The following KLHL5 variants were observed in gnomAD, a reference collection of about 807,000 sequenced individuals.
The protein encoded by KLHL5 is kelch-like protein 5.
A neutral mutation model predicts 77.7 loss-of-function variants in KLHL5; 48 were observed. The ratio of observed to expected loss-of-function variants is 0.62; its 90% CI spans 0.49 to 0.79. The LOEUF (loss-of-function observed/expected upper bound fraction) is 0.79, where lower values mean the gene tolerates loss of function less well. Among genes scored for constraint, KLHL5 ranks in the 30% least tolerant of loss-of-function variants. KLHL5 has a pLI of 0.00. For missense variants in KLHL5, 723 were observed against 859.7 expected, an observed-to-expected ratio of 0.84 and a Z score of 1.99; for synonymous variants, 260 against 297.0, an observed-to-expected ratio of 0.88 and a Z score of 1.28.
intron 5 of KLHL5, among the ~76,000 whole-genome samples, chr4:39,090,032 TG>T (rs1262385804): frequency 6.6e-6 from 1 of 152,222 alleles, no homozygotes. Context: ...CAAAAGTGAA[TG>T]GCAAGATTGC....
At chr4:39,077,457 G>A (rs577912520) in intron 2 of KLHL5, among the ~76,000 whole-genome samples, 5 of 150,500 alleles carry the variant, frequency 3.3e-5, no homozygotes, top group South Asian at 2.1e-4. Context: ...GCAAGACTCC[G>A]TCTCAAAAAA....
At position 39,081,061 on chromosome 4, in the gene KLHL5, C is replaced by G. The variant is rs759852090; in HGVS notation, c.567-42C>G. 5.1e-6 allele frequency: 8 copies of G among 1,567,742 alleles called. No individual in the cohort carries two copies. The African/African-American group carries it at 1.1e-4, about 21-fold the overall frequency. Reference sequence around the variant, plus strand: ...CAGCATTTATTAATGAACATCAACTCGAATGTGGTCATTGATTTTTTTTTT... The same window carrying G: ...CAGCATTTATTAATGAACATCAACTGGAATGTGGTCATTGATTTTTTTTTT... On this transcript the variant is annotated intron_variant, in intron 2 of 10. Coordinates refer to ENST00000504108, the MANE Select transcript of KLHL5 (RefSeq NM_015990.5). The surrounding 1 kb of genome is among the most constrained non-coding windows in gnomAD (Gnocchi z 4.3).
At chr4:39,049,664 C>A (rs1430360) in intron 1 of KLHL5, among the ~76,000 whole-genome samples, 115,003 of 151,644 alleles carry the variant, frequency 0.76, 43,619 homozygotes, top group East Asian at 0.82. Context: ...AGGCCACTGC[C>A]CTCCAACCTA....
intron 1 of KLHL5, among the ~76,000 whole-genome samples, chr4:39,065,075 A>G (rs1717766715): frequency 6.6e-6 from 1 of 152,152 alleles, no homozygotes; most frequent in Admixed American, 6.5e-5. Context: ...ATGGTTTGAA[A>G]TTTCAATCTT....
chr4:39,135,109 T>A, the KLHL5 span, among the ~76,000 whole-genome samples: 3 of 152,216 alleles, frequency 2.0e-5, no homozygotes, highest in Admixed American at 6.5e-5. Flanking sequence ...TGGCTGGTTA[T>A]CAGGATCTGA....
At chr4:39,096,335 T>C (rs1290035019) in intron 5 of KLHL5, among the ~76,000 whole-genome samples, 1 of 152,110 alleles carries the variant, frequency 6.6e-6, no homozygotes, top group Non-Finnish European at 1.5e-5. Flanking sequence ...ATAATTATTC[T>C]TCCATTAGAA....
In KLHL5 at chr4:39,082,176, G is replaced by A. The variant is rs2109384399; in HGVS notation, c.900+17G>A. 5.2e-6 allele frequency: 8 copies of A among 1,552,272 alleles called. No homozygotes were observed. The highest frequency in any genetic ancestry group is 7.0e-6 in the Non-Finnish European group (8 of 1,147,300). On this transcript the variant is annotated intron_variant, in intron 4 of 10. Coordinates refer to ENST00000504108, the MANE Select transcript of KLHL5 (RefSeq NM_015990.5). ...TATACTATGGTATGTATTTTTTGAA[G>A]GTGAGAAAGTCGATCCTCCATATGC...
chr4:39,091,995 T>G (rs988094409), intron 5 of KLHL5, among the ~76,000 whole-genome samples: 6 of 152,146 alleles, frequency 3.9e-5, no homozygotes, highest in African/African-American at 1.4e-4. Flanking sequence ...TCCAAAACAT[T>G]TTTTTAACAT....
chr4:39,107,356 G>C (rs1252523100), intron 7 of KLHL5, among the ~76,000 whole-genome samples: 5 of 151,818 alleles, frequency 3.3e-5, no homozygotes, highest in African/African-American at 1.2e-4. Flanking sequence ...GCAGTCTCTA[G>C]AACTTTTAAA....
rs1411647837 is a variant in KLHL5 at position 39,081,408 on chromosome 4, C to A, written c.703+169C>A. 6.6e-6 allele frequency among the ~76,000 whole-genome samples: 1 copy of A among 152,072 alleles called. No individual in the cohort carries two copies. The highest frequency in any genetic ancestry group is 6.6e-5 in the Admixed American group (1 of 15,262). ...TGAATTAAAATTTCCATACTAAAAC[C>A]TTTAAAATGGTTATCATAATTAAGT... On this transcript the variant is annotated intron_variant, in intron 3 of 10. Transcript: ENST00000504108. The surrounding 1 kb of genome is among the most constrained non-coding windows in gnomAD (Gnocchi z 4.3).
chr4:39,091,749 C>T (rs571669317), intron 5 of KLHL5, among the ~76,000 whole-genome samples: 14 of 148,294 alleles, frequency 9.4e-5, no homozygotes, highest in Non-Finnish European at 1.8e-4. Flanking sequence ...TAGCTCACTG[C>T]AGCCTCAAAC....
intron 5 of KLHL5, among the ~76,000 whole-genome samples, chr4:39,092,642 C>T (rs1413816842): frequency 1.3e-5 from 2 of 152,048 alleles, no homozygotes; most frequent in African/African-American, 2.4e-5. Flanking sequence ...TGGTGTAGGT[C>T]GGGGACTTAG....
chr4:39,140,120 G>T, the KLHL5 span, among the ~76,000 whole-genome samples: 1 of 145,582 alleles, frequency 6.9e-6, no homozygotes, highest in East Asian at 1.9e-4. Flanking sequence ...CCAGCTACTT[G>T]GGGGGGGCTG....
chr4:39,086,485 T>C, intron 4 of KLHL5, 30 bp from the exon 5 acceptor site: 1 of 1,546,338 alleles, frequency 6.5e-7, no homozygotes. Flanking sequence ...GAAGGAACAA[T>C]ATTGTTTATC....
At chr4:39,141,819 T>C in the KLHL5 span, among the ~76,000 whole-genome samples, 2 of 152,006 alleles carry the variant, frequency 1.3e-5, no homozygotes, top group Non-Finnish European at 2.9e-5. Context: ...AAAGAGGGTG[T>C]TGAGGCTAGC....
At chr4:39,113,761 A>G (rs1162934478) in intron 9 of KLHL5, among the ~76,000 whole-genome samples, 1 of 152,182 alleles carries the variant, frequency 6.6e-6, no homozygotes, top group African/African-American at 2.4e-5. Flanking sequence ...GGTACAATCA[A>G]TAGGAGCTTG....
downstream of KLHL5, among the ~76,000 whole-genome samples, chr4:39,131,168 T>C (rs1179687518): frequency 6.6e-6 from 1 of 152,072 alleles, no homozygotes; most frequent in African/African-American, 2.4e-5. Flanking sequence ...TTACAAATCC[T>C]TTTTATCTGC....
At chr4:39,119,264 G>A (rs1467652154) in intron 10 of KLHL5, among the ~76,000 whole-genome samples, 2 of 152,088 alleles carry the variant, frequency 1.3e-5, no homozygotes, top group Admixed American at 6.6e-5. Context: ...CTAAAAATGT[G>A]AACTCGTTAT....
intron 10 of KLHL5, among the ~76,000 whole-genome samples, chr4:39,118,854 G>A (rs879512494): frequency 2.0e-5 from 3 of 152,130 alleles, no homozygotes; most frequent in Non-Finnish European, 4.4e-5. Flanking sequence ...AAAGGTACAG[G>A]GAGTTTTTAA....
Sources: allele counts gnomAD v4.1 joint callset (sites outside exome capture counted in the v4.1 genomes callset), GRCh38; gene constraint gnomAD v4.1.1; non-coding constraint Gnocchi (gnomAD v3.1); transcripts MANE v1.5; gene names NCBI Gene and HGNC (gene_info 2026-07-23, HGNC 2026-07-21).